The following SHANK2 variants were observed in gnomAD, a reference collection of about 807,000 sequenced individuals.
SHANK2 encodes SH3 and multiple ankyrin repeat domains protein 2.
SHANK2 carries 43 observed loss-of-function variants against 133.7 expected under a neutral mutation model. That is an observed-to-expected ratio of 0.32 (90% CI 0.25 to 0.41). SHANK2 has a LOEUF of 0.41. Among genes scored for constraint, SHANK2 ranks in the 10% least tolerant of loss-of-function variants. The pLI is 1.00. For synonymous variants in SHANK2, 1,017 were observed against 952.8 expected (o/e 1.07, Z -1.24); for missense variants, 1,994 against 2,235.8 (o/e 0.89, Z 2.18).
intron 10 of SHANK2, among the ~76,000 whole-genome samples, chr11:70,940,662 A>G (rs1286437707): frequency 2.6e-5 from 4 of 152,292 alleles, no homozygotes; most frequent in Middle Eastern, 6.8e-3. Flanking sequence ...AGGATAAATT[A>G]TAACTGCCAT....
chr11:70,901,935 C>T (rs1950028703), intron 10 of SHANK2, among the ~76,000 whole-genome samples: 1 of 152,164 alleles, frequency 6.6e-6, no homozygotes, highest in Non-Finnish European at 1.5e-5. Context: ...CATGTGAAGC[C>T]AAGGGAACCC....
At chr11:70,710,443 G>A (rs1242372811) in intron 14 of SHANK2, among the ~76,000 whole-genome samples, 2 of 152,196 alleles carry the variant, frequency 1.3e-5, no homozygotes, top group African/African-American at 2.4e-5. Flanking sequence ...TGCTGAATGC[G>A]GACTGTGCCG....
rs962402110 is a variant in SHANK2 at position 71,252,090 on chromosome 11, G to C, written c.-113+335C>G. ...AGGGGCAGGACGCGCCAGAGACTAC[G>C]TGGTCCATGCGCGCAGGAGATAAAG... On this transcript the variant is annotated intron_variant, in intron 1 of 25. Coordinates refer to ENST00000601538, the MANE Select transcript of SHANK2 (RefSeq NM_012309.5). This position sits in a 1 kb window ranked among gnomAD's most constrained non-coding sequence, Gnocchi z 6.3. Among the ~76,000 whole-genome samples the C allele has an allele frequency of 6.6e-6, 1 of 152,166 alleles. No individual in the cohort carries two copies. Among genetic ancestry groups the C allele is most frequent in the Non-Finnish European group, 1.5e-5 (1 of 68,016 alleles).
intron 6 of SHANK2, among the ~76,000 whole-genome samples, chr11:71,105,549 G>A (rs1037585076): frequency 4.4e-5 from 6 of 137,006 alleles, no homozygotes; most frequent in Admixed American, 8.0e-5. Flanking sequence ...CCAAGATCAC[G>A]CCACTGCACT....
chr11:70,649,041 G>T (rs555091164), intron 17 of SHANK2, among the ~76,000 whole-genome samples: 1 of 152,290 alleles, frequency 6.6e-6, no homozygotes, highest in South Asian at 2.1e-4. Flanking sequence ...GACAGGAGGG[G>T]TGTGGCACAT....
intron 3 of SHANK2, among the ~76,000 whole-genome samples, chr11:71,137,825 T>C (rs1389583745): frequency 6.6e-6 from 1 of 152,150 alleles, no homozygotes; most frequent in African/African-American, 2.4e-5. Flanking sequence ...ATGGACTCCA[T>C]CAACTCCTAG....
At chr11:70,540,392 G>A (rs1252411166) in intron 17 of SHANK2, among the ~76,000 whole-genome samples, 1 of 151,978 alleles carries the variant, frequency 6.6e-6, no homozygotes, top group Non-Finnish European at 1.5e-5. Context: ...CTCCTGTGGA[G>A]TCGAGGTGAT....
At position 70,772,296 on chromosome 11, in the gene SHANK2, TG is replaced by T. The variant is rs549360890; in HGVS notation, c.1777+26146del. Among the ~76,000 whole-genome samples the T allele has an allele frequency of 7.9e-5, 12 of 151,482 alleles. No individual in the cohort carries two copies. In the East Asian group the frequency reaches 2.3e-3, roughly 29 times the overall value. On this transcript the variant is annotated intron_variant, in intron 14 of 25. Coordinates refer to ENST00000601538, the MANE Select transcript of SHANK2 (RefSeq NM_012309.5). ...CTCCAAGAAAAATACAAAAATTAGC[TG>T]GGGGTGGTGGCGCGCGCCTGTAATC...
At chr11:70,557,128 AC>A (rs2059842746) in intron 17 of SHANK2, among the ~76,000 whole-genome samples, 1 of 150,888 alleles carries the variant, frequency 6.6e-6, no homozygotes, top group South Asian at 2.1e-4. Flanking sequence ...CTCACCACAT[AC>A]CAGGCATTGC....
chr11:71,217,128 TAGA>T (rs1276008471), intron 2 of SHANK2, among the ~76,000 whole-genome samples: 5 of 149,384 alleles, frequency 3.3e-5, no homozygotes, highest in Non-Finnish European at 1.5e-5. Context: ...ACCCGGGGGG[TAGA>T]AGATGAAGTG....
chr11:70,551,198 C>T (rs2059763137), intron 17 of SHANK2, among the ~76,000 whole-genome samples: 1 of 152,170 alleles, frequency 6.6e-6, no homozygotes, highest in Non-Finnish European at 1.5e-5. Flanking sequence ...CATACAGAAA[C>T]TTCCCCTGGT....
At chr11:71,180,562 A>C (rs1953534902) in intron 2 of SHANK2, among the ~76,000 whole-genome samples, 1 of 152,106 alleles carries the variant, frequency 6.6e-6, no homozygotes, top group East Asian at 1.9e-4. Context: ...AAGAAAAAAA[A>C]CCCCACACAC....
intron 17 of SHANK2, among the ~76,000 whole-genome samples, chr11:70,561,954 A>G (rs1554980973): frequency 6.6e-6 from 1 of 152,210 alleles, no homozygotes; most frequent in African/African-American, 2.4e-5. Flanking sequence ...GTTCCCTTAC[A>G]GACACTTTAG....
intron 10 of SHANK2, among the ~76,000 whole-genome samples, chr11:70,911,458 A>T (rs2135725034): frequency 6.6e-6 from 1 of 152,348 alleles, no homozygotes; most frequent in South Asian, 2.1e-4. Context: ...ACATTCTCAC[A>T]GACAACACTT....
chr11:70,902,179 C>T (rs545165481), intron 10 of SHANK2, among the ~76,000 whole-genome samples: 2 of 152,366 alleles, frequency 1.3e-5, no homozygotes, highest in African/African-American at 4.8e-5. Context: ...AGTGTCACTG[C>T]ACCACACTGG....
intron 14 of SHANK2, among the ~76,000 whole-genome samples, chr11:70,771,031 A>G (rs1947239274): frequency 6.8e-6 from 1 of 146,494 alleles, no homozygotes; most frequent in Non-Finnish European, 1.5e-5. Context: ...CTCAAGCGAT[A>G]CACCCACCTC....
chr11:70,841,602 C>G (rs972195520), intron 11 of SHANK2, among the ~76,000 whole-genome samples: 6 of 152,212 alleles, frequency 3.9e-5, no homozygotes, highest in Admixed American at 2.0e-4. Context: ...CTTGGTTCTT[C>G]AGGAATTCTG....
intron 11 of SHANK2, among the ~76,000 whole-genome samples, chr11:70,871,054 A>C (rs1949452253): frequency 1.3e-5 from 2 of 152,176 alleles, no homozygotes; most frequent in Admixed American, 1.3e-4. Flanking sequence ...CTGGGATTAT[A>C]AGCATGAGCC....
intron 4 of SHANK2, among the ~76,000 whole-genome samples, chr11:71,117,577 G>C (rs551900637): frequency 6.7e-6 from 1 of 148,784 alleles, no homozygotes; most frequent in South Asian, 2.2e-4. Flanking sequence ...TGGCAGGATG[G>C]AGTCCAATCA....
Sources: gnomAD v4.1 joint callset for allele counts (sites outside exome capture counted in the v4.1 genomes callset) on GRCh38, gnomAD v4.1.1 for gene constraint, Gnocchi (gnomAD v3.1) non-coding constraint, MANE v1.5 for transcripts, NCBI Gene and HGNC (gene_info 2026-07-23, HGNC 2026-07-21) for gene names.